SMAP1: variants seen among roughly 807,000 people sequenced by gnomAD.
The protein encoded by SMAP1 is stromal membrane-associated protein 1.
SMAP1 carries 24 observed loss-of-function variants against 58.5 expected under a neutral mutation model. That is an observed-to-expected ratio of 0.41 (90% confidence interval 0.30 to 0.58). The LOEUF is 0.58. Among genes scored for constraint, SMAP1 ranks in the 20% least tolerant of loss-of-function variants. The pLI, the probability that SMAP1 is intolerant of heterozygous loss-of-function variation, is 0.29. For synonymous variants in SMAP1, 216 were observed against 196.6 expected (o/e 1.10, Z -0.82); for missense variants, 563 against 566.3 (o/e 0.99, Z 0.06).
chr6:70,853,529 A>G (rs1001300187), intron 8 of SMAP1, among the ~76,000 whole-genome samples: 1 of 152,214 alleles, frequency 6.6e-6, no homozygotes, highest in African/African-American at 2.4e-5. Flanking sequence ...TCAATGTCTT[A>G]TAAGGCTAGG....
chr6:70,709,992 G>T (rs1336076408), intron 1 of SMAP1, among the ~76,000 whole-genome samples: 1 of 151,828 alleles, frequency 6.6e-6, no homozygotes, highest in Non-Finnish European at 1.5e-5. Flanking sequence ...GTCATTAGGT[G>T]ATTTCGTCAT....
At chr6:70,855,131 A>T (rs1320333095) in intron 8 of SMAP1, among the ~76,000 whole-genome samples, 1 of 139,386 alleles carries the variant, frequency 7.2e-6, no homozygotes, top group Non-Finnish European at 1.6e-5. Flanking sequence ...CTAGACATAC[A>T]CAAGGGCTAA....
At chr6:70,831,297 A>G (rs2149992483) in intron 6 of SMAP1, among the ~76,000 whole-genome samples, 1 of 152,176 alleles carries the variant, frequency 6.6e-6, no homozygotes, top group South Asian at 2.1e-4. Context: ...GTTTAGGGGT[A>G]CATGTGCAGG....
At chr6:70,767,609 G>A (rs1175273177) in intron 3 of SMAP1, among the ~76,000 whole-genome samples, 1 of 151,322 alleles carries the variant, frequency 6.6e-6, no homozygotes, top group Non-Finnish European at 1.5e-5. Flanking sequence ...TGTATCCTGA[G>A]ACTTTGCTGA....
At chr6:70,771,321 T>C (rs2149911553) in intron 3 of SMAP1, among the ~76,000 whole-genome samples, 1 of 152,154 alleles carries the variant, frequency 6.6e-6, no homozygotes, top group Non-Finnish European at 1.5e-5. Flanking sequence ...AGGTTACTGC[T>C]GTCTTTTTGT....
At chr6:70,788,459 TAAAAAA>T (rs1768178892) in intron 4 of SMAP1, among the ~76,000 whole-genome samples, 1 of 151,314 alleles carries the variant, frequency 6.6e-6, no homozygotes, top group South Asian at 2.1e-4. Flanking sequence ...ATCATAATAA[TAAAAAA>T]TAAAATAAAA....
chr6:70,723,233 C>T (rs1768608333), intron 1 of SMAP1, among the ~76,000 whole-genome samples: 1 of 152,082 alleles, frequency 6.6e-6, no homozygotes, highest in South Asian at 2.1e-4. Flanking sequence ...CTCAAGCATC[C>T]CTTCTGCCTC....
chr6:70,818,527 C>G (rs1769743099), intron 6 of SMAP1, among the ~76,000 whole-genome samples: 1 of 152,074 alleles, frequency 6.6e-6, no homozygotes, highest in Non-Finnish European at 1.5e-5. Flanking sequence ...AATTGGTATC[C>G]AGGAGGTACT....
intron 3 of SMAP1, among the ~76,000 whole-genome samples, chr6:70,762,277 C>G (rs1354970486): frequency 6.6e-6 from 1 of 152,134 alleles, no homozygotes; most frequent in East Asian, 1.9e-4. Context: ...TTTATTAGAA[C>G]CCAGCCATGT....
chr6:70,800,625 T>G (rs1393786945), intron 6 of SMAP1, among the ~76,000 whole-genome samples: 1 of 152,156 alleles, frequency 6.6e-6, no homozygotes, highest in East Asian at 1.9e-4. Flanking sequence ...CATCAACTTG[T>G]CATTTACATT....
intron 10 of SMAP1, chr6:70,858,458 T>C (rs1771542138): frequency 5.1e-6 from 2 of 393,964 alleles, no homozygotes; most frequent in South Asian, 4.6e-5. Flanking sequence ...AAAAAAAGGT[T>C]AAACATCTTT....
chr6:70,739,313 A>G (rs1215072213), intron 2 of SMAP1, among the ~76,000 whole-genome samples: 2 of 152,202 alleles, frequency 1.3e-5, no homozygotes, highest in Non-Finnish European at 2.9e-5. Context: ...GAAGAGAAAC[A>G]TAAATAAAAT....
At chr6:70,826,996 G>T (rs527574040) in intron 6 of SMAP1, among the ~76,000 whole-genome samples, 1 of 147,722 alleles carries the variant, frequency 6.8e-6, no homozygotes, top group African/African-American at 2.5e-5. Flanking sequence ...CACAGTTCCT[G>T]TCAGACTAAG....
intron 2 of SMAP1, among the ~76,000 whole-genome samples, chr6:70,753,775 C>G (rs1389711542): frequency 6.6e-6 from 1 of 151,962 alleles, no homozygotes; most frequent in East Asian, 1.9e-4. Flanking sequence ...GTAAAGCCCG[C>G]CCCTTTAATC....
At chr6:70,701,440 G>C (rs1021743735) in intron 1 of SMAP1, among the ~76,000 whole-genome samples, 1 of 152,172 alleles carries the variant, frequency 6.6e-6, no homozygotes, top group Admixed American at 6.5e-5. Flanking sequence ...CTTGCCTAGG[G>C]ATTGCAGTCC....
chr6:70,686,093 A>AT (rs1340815865), intron 1 of SMAP1, among the ~76,000 whole-genome samples: 3 of 151,930 alleles, frequency 2.0e-5, no homozygotes, highest in African/African-American at 4.8e-5. Flanking sequence ...TGATTTTTGT[A>AT]TTTTTTTGGT....
chr6:70,723,103 CTT>C (rs915408393), intron 1 of SMAP1, among the ~76,000 whole-genome samples: 1 of 152,134 alleles, frequency 6.6e-6, no homozygotes, highest in South Asian at 2.1e-4. Flanking sequence ...TTTATAGACT[CTT>C]TTGTTTGTTT....
At chr6:70,842,017 T>C (rs1481869235) in intron 7 of SMAP1, among the ~76,000 whole-genome samples, 2 of 152,218 alleles carry the variant, frequency 1.3e-5, no homozygotes, top group Non-Finnish European at 2.9e-5. Context: ...GTGGTCCTGG[T>C]GATCCACAGT....
intron 1 of SMAP1, among the ~76,000 whole-genome samples, chr6:70,677,432 CTTTTTTTTTTT>C (rs58133069): frequency 8.3e-5 from 5 of 60,376 alleles, no homozygotes; most frequent in South Asian, 7.4e-4. Context: ...CTTGTCACTT[CTTTTTTTTTTT>C]TTTTTTTTTT....
Sources: allele counts gnomAD v4.1 joint callset (sites outside exome capture counted in the v4.1 genomes callset), GRCh38; gene constraint gnomAD v4.1.1; transcripts MANE v1.5; gene names NCBI Gene and HGNC (gene_info 2026-07-23, HGNC 2026-07-21).